Variants in CNTN6 observed in about 807,000 individuals in gnomAD.
CNTN6 encodes the protein contactin 6.
Under a neutral mutation model 122.8 loss-of-function variants are expected in CNTN6, and 137 were observed. That is an observed-to-expected ratio of 1.12 (90% CI 0.97 to 1.29). CNTN6 has a LOEUF of 1.29. Ranked by LOEUF, CNTN6 falls within the 50% of genes most tolerant of loss-of-function variation. CNTN6 has a pLI of 0.00. For synonymous variants in CNTN6, 570 were observed against 426.0 expected (o/e 1.34, Z -4.16); for missense variants, 1,634 against 1,223.4 (o/e 1.34, Z -5.01).
At chr3:1,279,633 C>T (rs1019561954) in intron 5 of CNTN6, among the ~76,000 whole-genome samples, 1 of 152,198 alleles carries the variant, frequency 6.6e-6, no homozygotes, top group African/African-American at 2.4e-5. Flanking sequence ...CAGCTCTTAA[C>T]TATCACTGCA....
chr3:1,230,583 T>A (rs545105769), intron 4 of CNTN6, among the ~76,000 whole-genome samples: 2 of 152,246 alleles, frequency 1.3e-5, no homozygotes, highest in Non-Finnish European at 2.9e-5. Context: ...ATATAATACA[T>A]GTGCTTTGAC....
intron 17 of CNTN6, among the ~76,000 whole-genome samples, chr3:1,378,469 C>G (rs1296535988): frequency 6.6e-6 from 1 of 152,126 alleles, no homozygotes; most frequent in Non-Finnish European, 1.5e-5. Flanking sequence ...GAAAGTCACC[C>G]TTTCCTCTGG....
chr3:1,129,985 T>C (rs1350736700), intron 1 of CNTN6, among the ~76,000 whole-genome samples: 1 of 152,084 alleles, frequency 6.6e-6, no homozygotes, highest in African/African-American at 2.4e-5. Context: ...ATATTTTTAA[T>C]GTTGAGTTTA....
chr3:1,326,389 G>A (rs546723606), intron 9 of CNTN6, among the ~76,000 whole-genome samples: 2 of 151,780 alleles, frequency 1.3e-5, no homozygotes, highest in Non-Finnish European at 2.9e-5. Flanking sequence ...TTTCAAAGAG[G>A]TTAGGCTACT....
At chr3:1,297,025 TG>T (rs1396941579) in intron 6 of CNTN6, among the ~76,000 whole-genome samples, 10 of 152,088 alleles carry the variant, frequency 6.6e-5, no homozygotes, top group African/African-American at 2.4e-4. Flanking sequence ...AAATATCAGA[TG>T]TCAAGAAAGT....
chr3:1,289,071 G>A (rs1346065300), intron 5 of CNTN6, among the ~76,000 whole-genome samples: 1 of 152,144 alleles, frequency 6.6e-6, no homozygotes, highest in African/African-American at 2.4e-5. Context: ...CATAGATGGT[G>A]GAGAAAATAT....
chr3:1,283,394 A>C (rs953787782), intron 5 of CNTN6, among the ~76,000 whole-genome samples: 11 of 152,172 alleles, frequency 7.2e-5, no homozygotes, highest in Non-Finnish European at 1.6e-4. Flanking sequence ...CTTTTGTTAA[A>C]TTTCAGTCAC....
At chr3:1,149,865 C>A (rs1039964821) in intron 2 of CNTN6, among the ~76,000 whole-genome samples, 2 of 151,964 alleles carry the variant, frequency 1.3e-5, no homozygotes, top group African/African-American at 2.4e-5. Flanking sequence ...TCTAAAAGAC[C>A]TTTTGTGTTA....
chr3:1,289,921 G>T lies in CNTN6; in HGVS notation c.455-5680G>T, dbSNP rs369168829. Among the ~76,000 whole-genome samples the T allele has an allele frequency of 2.0e-5, 3 of 152,112 alleles. No individual in the cohort carries two copies. The East Asian group carries it at 5.8e-4, about 29-fold the overall frequency. On this transcript the variant is annotated intron_variant, in intron 5 of 22. Coordinates refer to ENST00000446702, the MANE Select transcript of CNTN6 (RefSeq NM_001289080.2). ...GATCTCCTGACCTCGTGATCCGCCC[G>T]CCTCGGCCTCCCAAAGTGCTGGGAT... is the stretch of plus-strand genomic sequence containing the variant.
At chr3:1,299,022 G>A (rs1696758227) in intron 7 of CNTN6, among the ~76,000 whole-genome samples, 1 of 152,036 alleles carries the variant, frequency 6.6e-6, no homozygotes. Flanking sequence ...AAATAATGGT[G>A]GTTACTAAAT....
At chr3:1,246,000 G>A (rs1214827382) in intron 4 of CNTN6, among the ~76,000 whole-genome samples, 3 of 152,180 alleles carry the variant, frequency 2.0e-5, no homozygotes, top group Non-Finnish European at 4.4e-5. Flanking sequence ...ATCCTGGGTT[G>A]CATGCAGCCT....
intron 12 of CNTN6, among the ~76,000 whole-genome samples, chr3:1,353,656 A>G (rs1706046645): frequency 6.6e-6 from 1 of 151,706 alleles, no homozygotes; most frequent in African/African-American, 2.4e-5. Flanking sequence ...ATACTCAGAC[A>G]CTGAAAAATG....
At chr3:1,308,587 A>C (rs1293324441) in intron 7 of CNTN6, among the ~76,000 whole-genome samples, 1 of 151,910 alleles carries the variant, frequency 6.6e-6, no homozygotes, top group Admixed American at 6.6e-5. Context: ...GTATTTCTAC[A>C]TACAGCTATT....
chr3:1,244,133 G>T (rs974331854), intron 4 of CNTN6, among the ~76,000 whole-genome samples: 1 of 152,072 alleles, frequency 6.6e-6, no homozygotes, highest in African/African-American at 2.4e-5. Flanking sequence ...GGGGCCAAGC[G>T]GTGTTGCAGA....
intron 20 of CNTN6, among the ~76,000 whole-genome samples, chr3:1,399,333 G>A (rs1695382450): frequency 6.7e-6 from 1 of 149,244 alleles, no homozygotes; most frequent in Non-Finnish European, 1.5e-5. Context: ...GATAAGTTGA[G>A]GAAGGATAGT....
chr3:1,348,596 A>G (rs2126063158), intron 11 of CNTN6, among the ~76,000 whole-genome samples: 1 of 152,150 alleles, frequency 6.6e-6, no homozygotes, highest in Non-Finnish European at 1.5e-5. Flanking sequence ...ATATATACAC[A>G]CATATGTACA....
chr3:1,280,870 G>A (rs1233720503), intron 5 of CNTN6, among the ~76,000 whole-genome samples: 2 of 152,086 alleles, frequency 1.3e-5, no homozygotes. Flanking sequence ...TTGATAACTG[G>A]CTGTTAAGGG....
At chr3:1,105,595 A>G (rs2091180490) in intron 1 of CNTN6, among the ~76,000 whole-genome samples, 1 of 152,172 alleles carries the variant, frequency 6.6e-6, no homozygotes, top group Non-Finnish European at 1.5e-5. Context: ...TAAAAACTGA[A>G]ATAGTTAATG....
intron 12 of CNTN6, among the ~76,000 whole-genome samples, chr3:1,364,602 T>C (rs1462933752): frequency 2.6e-5 from 4 of 151,908 alleles, no homozygotes; most frequent in Non-Finnish European, 5.9e-5. Context: ...AAAAATGTAG[T>C]TAGAGATCAT....
Sources: gnomAD v4.1 joint callset for allele counts (sites outside exome capture counted in the v4.1 genomes callset) on GRCh38, gnomAD v4.1.1 for gene constraint, MANE v1.5 for transcripts, NCBI Gene and HGNC (gene_info 2026-07-23, HGNC 2026-07-21) for gene names.